IGF2BP3: variants seen among roughly 807,000 people sequenced by gnomAD.
The protein encoded by IGF2BP3 is insulin-like growth factor 2 mRNA-binding protein 3.
In IGF2BP3, 9 loss-of-function variants were observed where a neutral mutation model predicts 73.8. The observed-to-expected ratio is 0.12, with a 90% CI of 0.07 to 0.21. The LOEUF (loss-of-function observed/expected upper bound fraction) is 0.21, where lower values mean the gene tolerates loss of function less well. IGF2BP3 is among the 10% of genes least tolerant of loss of function. IGF2BP3 has a pLI of 1.00. For synonymous variants in IGF2BP3, 258 were observed against 256.7 expected, an observed-to-expected ratio of 1.01 and a Z score of -0.05; for missense variants, 542 against 714.0, an observed-to-expected ratio of 0.76 and a Z score of 2.75.
intron 3 of IGF2BP3, among the ~76,000 whole-genome samples, chr7:23,398,116 T>A (rs1786536381): frequency 7.4e-6 from 1 of 134,392 alleles, no homozygotes; most frequent in South Asian, 2.5e-4. Context: ...CCTGTGTCCA[T>A]GTGTTCTCAT....
At chr7:23,346,915 T>A (rs189181435) in intron 7 of IGF2BP3, among the ~76,000 whole-genome samples, 122 of 152,260 alleles carry the variant, frequency 8.0e-4, no homozygotes, top group South Asian at 2.5e-3. Context: ...CTAAAATAAT[T>A]CTTCTTTAAA....
chr7:23,434,618 C>G (rs1787764762), intron 2 of IGF2BP3, among the ~76,000 whole-genome samples: 1 of 152,206 alleles, frequency 6.6e-6, no homozygotes, highest in South Asian at 2.1e-4. Context: ...GCCTGACATT[C>G]CTCATCCTAG....
chr7:23,437,948 A>G (rs1787843513), intron 2 of IGF2BP3, among the ~76,000 whole-genome samples: 1 of 152,224 alleles, frequency 6.6e-6, no homozygotes, highest in African/African-American at 2.4e-5. Flanking sequence ...GCCAAATTCA[A>G]ACTCATACCT....
At chr7:23,427,142 G>T (rs1428567704) in intron 2 of IGF2BP3, among the ~76,000 whole-genome samples, 3 of 152,108 alleles carry the variant, frequency 2.0e-5, no homozygotes, top group Admixed American at 6.5e-5. Flanking sequence ...TTATCTCAGG[G>T]CTTTCTCCAA....
chr7:23,439,638 T>C (rs889188269), intron 2 of IGF2BP3, among the ~76,000 whole-genome samples: 2 of 151,696 alleles, frequency 1.3e-5, no homozygotes, highest in Non-Finnish European at 2.9e-5. Flanking sequence ...TTATAATCAG[T>C]GTGATTACAC....
At chr7:23,462,161 C>G (rs1481186656) in intron 2 of IGF2BP3, among the ~76,000 whole-genome samples, 1 of 152,184 alleles carries the variant, frequency 6.6e-6, no homozygotes, top group East Asian at 1.9e-4. Flanking sequence ...CACCACCTAA[C>G]AGACACAGAA....
chr7:23,430,854 C>T (rs1787656067), intron 2 of IGF2BP3, among the ~76,000 whole-genome samples: 1 of 152,144 alleles, frequency 6.6e-6, no homozygotes, highest in East Asian at 1.9e-4. Flanking sequence ...AAAGGCTTAG[C>T]TGTCTGTAAA....
At chr7:23,344,393 G>C (rs925751478) in intron 8 of IGF2BP3, among the ~76,000 whole-genome samples, 1 of 152,212 alleles carries the variant, frequency 6.6e-6, no homozygotes. Flanking sequence ...GTTTTTACCA[G>C]TTTCTTTAGA....
At chr7:23,320,216 T>A (rs918140525) in intron 10 of IGF2BP3, among the ~76,000 whole-genome samples, 2 of 152,106 alleles carry the variant, frequency 1.3e-5, no homozygotes, top group African/African-American at 4.8e-5. Context: ...CCAGCCCCCT[T>A]TGCATTTTAT....
intron 8 of IGF2BP3, among the ~76,000 whole-genome samples, chr7:23,344,524 T>A (rs1408016434): frequency 6.6e-6 from 1 of 152,258 alleles, no homozygotes; most frequent in Non-Finnish European, 1.5e-5. Context: ...AGAAACTCCC[T>A]GCGGGACCTA....
At chr7:23,432,023 A>C (rs1484547426) in intron 2 of IGF2BP3, among the ~76,000 whole-genome samples, 1 of 152,244 alleles carries the variant, frequency 6.6e-6, no homozygotes, top group African/African-American at 2.4e-5. Context: ...GTCTCTTTAC[A>C]TCACAGTTCT....
At chr7:23,363,707 T>C (rs908682322) in intron 3 of IGF2BP3, among the ~76,000 whole-genome samples, 2 of 152,260 alleles carry the variant, frequency 1.3e-5, no homozygotes, top group African/African-American at 2.4e-5. Context: ...TCTCTGATTA[T>C]AGCTATTCTT....
rs866458798 is a variant in IGF2BP3 at position 23,463,245 on chromosome 7, T to C, written c.236+5237A>G. Among the ~76,000 whole-genome samples the C allele has an allele frequency of 2.6e-5, 4 of 152,330 alleles. No homozygotes were observed. The South Asian group carries it at 6.2e-4, about 24-fold the overall frequency. On this transcript the variant is annotated intron_variant, in intron 2 of 14. Coordinates refer to ENST00000258729, the MANE Select transcript of IGF2BP3 (RefSeq NM_006547.3). The stretch of plus-strand genomic sequence containing the variant: ...CCTGGATGCTGCTGCTAAAAACAAT[T>C]ATAATGGAGTCACTTCAAATACATG...
intron 3 of IGF2BP3, among the ~76,000 whole-genome samples, chr7:23,377,683 T>C (rs1785771187): frequency 1.3e-5 from 2 of 152,152 alleles, no homozygotes; most frequent in South Asian, 4.1e-4. Flanking sequence ...CAGAGCAGCA[T>C]CATTCAATGG....
At chr7:23,427,286 T>C (rs929893580) in intron 2 of IGF2BP3, among the ~76,000 whole-genome samples, 5 of 152,192 alleles carry the variant, frequency 3.3e-5, no homozygotes, top group Non-Finnish European at 5.9e-5. Context: ...TGGGAGGCAT[T>C]CCGTGAATTT....
chr7:23,330,472 G>A (rs1377585887), intron 10 of IGF2BP3, among the ~76,000 whole-genome samples: 1 of 148,118 alleles, frequency 6.8e-6, no homozygotes, highest in Non-Finnish European at 1.5e-5. Flanking sequence ...GATTGGCCTT[G>A]GTATGACTTC....
rs1358719858 is a variant in IGF2BP3 at position 23,469,954 on chromosome 7, C to T, written c.157G>A (p.Ala53Thr). The T allele has an allele frequency of 1.9e-6, 3 of 1,610,582 alleles. No homozygotes were observed. The highest frequency in any genetic ancestry group is 2.7e-5 in the African/African-American group (2 of 74,800). Reference sequence around the variant, plus strand: ...GGCCCACCTGAAAGCGCCTCGATGGCCTTGAGGGCCCAGCTCTCGTCCGGG... The same window carrying T: ...GGCCCACCTGAAAGCGCCTCGATGGTCTTGAGGGCCCAGCTCTCGTCCGGG... ...DCPDESWALK[A>T]IEALSGKIEL... Residue 53 changes from alanine (A) to threonine (T), a missense_variant, in exon 1 of 15, where the codon GCC (alanine) becomes ACC (threonine). By Grantham distance (58) the Ala-to-Thr change is moderately conservative. Around this residue, in one of 2 missense-constraint regions of IGF2BP3, gnomAD observed 239 missense variants for 241.9 expected, o/e 0.99. Transcript: ENST00000258729. This position sits in a 1 kb window ranked among gnomAD's most constrained non-coding sequence, Gnocchi z 6.1.
At chr7:23,461,816 C>T (rs1788456540) in intron 2 of IGF2BP3, among the ~76,000 whole-genome samples, 2 of 152,208 alleles carry the variant, frequency 1.3e-5, no homozygotes, top group Admixed American at 6.5e-5. Flanking sequence ...ATTCCTCTCT[C>T]GGTACATGCA....
At chr7:23,436,312 G>A (rs767084236) in intron 2 of IGF2BP3, among the ~76,000 whole-genome samples, 3 of 152,168 alleles carry the variant, frequency 2.0e-5, no homozygotes, top group African/African-American at 7.2e-5. Context: ...GATACATGCT[G>A]AAGAATTAGG....
Sources: allele counts gnomAD v4.1 joint callset (sites outside exome capture counted in the v4.1 genomes callset), GRCh38; gene constraint gnomAD v4.1.1; regional missense constraint gnomAD v4.1.1; non-coding constraint Gnocchi (gnomAD v3.1); transcripts MANE v1.5; gene names NCBI Gene and HGNC (gene_info 2026-07-23, HGNC 2026-07-21).